PTGES2: variants seen among roughly 807,000 people sequenced by gnomAD.
The protein encoded by PTGES2 is GATE-binding factor 1.
PTGES2 carries 35 observed loss-of-function variants against 44.5 expected under a neutral mutation model. The ratio of observed to expected loss-of-function variants is 0.79; its 90% CI spans 0.60 to 1.04. PTGES2 has a LOEUF of 1.04. PTGES2 is among the 50% of genes least tolerant of loss of function. PTGES2 has a pLI of 0.00. For synonymous variants in PTGES2, 221 were observed against 227.5 expected (o/e 0.97, Z 0.26); for missense variants, 517 against 521.4 (o/e 0.99, Z 0.08).
rs1338000667 is a variant in PTGES2, at chr9:128,123,995, T to C, written c.537-144A>G. 4 of 909,286 alleles carry C rather than the reference T, an allele frequency of 4.4e-6. No individual in the cohort carries two copies. Among genetic ancestry groups the C allele is most frequent in the Non-Finnish European group, 6.5e-6 (4 of 612,454 alleles). 56.3% of individuals were successfully genotyped at this position (909,286 alleles called of 1,614,324 possible). ...TGCAGTAAGAGGGATTTGGAGTAGA[T>C]GCCAGGGCTACCTCCCCAAGAGAGG... On this transcript the variant is annotated intron_variant, in intron 3 of 6. Transcript: ENST00000338961. This position sits in a 1 kb window ranked among gnomAD's most constrained non-coding sequence, Gnocchi z 4.4.
At chr9:128,122,806 T>A in intron 5 of PTGES2, 128 bp downstream of exon 5, 3 of 941,778 alleles carry the variant, frequency 3.2e-6, no homozygotes, top group Non-Finnish European at 4.9e-6. Flanking sequence ...CCATAATCCA[T>A]AATGCGTTTC....
At chr9:128,122,144 C>T (rs1285434164) in intron 6 of PTGES2, among the ~76,000 whole-genome samples, 1 of 152,204 alleles carries the variant, frequency 6.6e-6, no homozygotes, top group East Asian at 1.9e-4. Flanking sequence ...CCGAAGCCAA[C>T]CCGTTCCCTG....
Position 128,123,956 on chromosome 9 carries a change from G to T in PTGES2, c.537-105C>A. The T allele has an allele frequency of 7.6e-7, 1 of 1,320,880 alleles. No homozygotes were observed. The highest frequency in any genetic ancestry group is 1.1e-6 in the Non-Finnish European group (1 of 946,674). 81.8% of individuals were successfully genotyped at this position (1,320,880 alleles called of 1,614,324 possible). A position where few individuals can be genotyped will look rare whatever the true frequency, so the allele number is the denominator to read the frequency against. On this transcript the variant is annotated intron_variant, in intron 3 of 6. Transcript: ENST00000338961. The surrounding 1 kb of genome is among the most constrained non-coding windows in gnomAD (Gnocchi z 4.4). ...CAGAGTGGAGCCAGGACCAACAAAG[G>T]CTCTCCGGACTCTTGCAGTAAGAGG...
chr9:128,120,734 T>C lies in PTGES2; in HGVS notation c.*411A>G, dbSNP rs1834374511. ...CATGACAGGCGCCACAAACCTTTCC[T>C]TTATTGCAAACATGTCCCAGTCCCG... On this transcript the variant is annotated 3_prime_UTR_variant, in exon 7 of 7. Coordinates refer to ENST00000338961, the MANE Select transcript of PTGES2 (RefSeq NM_025072.7). 5.5e-6 allele frequency: 1 copy of C among 181,128 alleles called. No homozygotes were observed. Among genetic ancestry groups the C allele is most frequent in the Admixed American group, 6.3e-5 (1 of 15,900 alleles). 11.2% of individuals were successfully genotyped at this position (181,128 alleles called of 1,614,324 possible).
rs1004176528 is a variant in PTGES2 at position 128,120,785 on chromosome 9, G to A, written c.*360C>T. The A allele has an allele frequency of 3.0e-5, 7 of 235,286 alleles. No homozygotes were observed. Among genetic ancestry groups the A allele is most frequent in the Non-Finnish European group, 5.0e-5 (6 of 120,076 alleles). 14.6% of individuals were successfully genotyped at this position (235,286 alleles called of 1,614,324 possible). A position where few individuals can be genotyped will look rare whatever the true frequency, so the allele number is the denominator to read the frequency against. On this transcript the variant is annotated 3_prime_UTR_variant, in exon 7 of 7. Transcript: ENST00000338961. The stretch of plus-strand genomic sequence containing the variant: ...GGAGGCTTGGGAAGAGTGGGAACCA[G>A]GGGAACCCAGGGATGGGATTCCACT...
chr9:128,127,320 A>AT, intron 1 of PTGES2, 119 bp downstream of exon 1: 3 of 888,164 alleles, frequency 3.4e-6, no homozygotes, highest in Non-Finnish European at 4.5e-6. Flanking sequence ...GAGACTTCAG[A>AT]CCAAGTCACT....
At chr9:128,124,468 C>A (rs199772231) in intron 3 of PTGES2, 24 bp downstream of exon 3, 1 of 1,611,756 alleles carries the variant, frequency 6.2e-7, no homozygotes, top group South Asian at 1.1e-5. Context: ...GCAATGGCCA[C>A]CTGGTCTCCG....
rs1218585544 is a variant in PTGES2, at chr9:128,123,497, C to T, written c.686+205G>A. On this transcript the variant is annotated intron_variant, in intron 4 of 6. Transcript: ENST00000338961. This position sits in a 1 kb window ranked among gnomAD's most constrained non-coding sequence, Gnocchi z 4.4. ...CTGACCTCAGGTGATCTGCCTGCCT[C>T]GGCCTCCCAACAGGCTGGGATTACA... Among the ~76,000 whole-genome samples, 3 of 152,130 alleles carry T rather than the reference C, an allele frequency of 2.0e-5. No individual in the cohort carries two copies. Among genetic ancestry groups the T allele is most frequent in the Admixed American group, 6.5e-5 (1 of 15,278 alleles).
At position 128,125,458 on chromosome 9, in the gene PTGES2, G is replaced by A. The variant is rs774936675; in HGVS notation, c.280-17C>T. The A allele has an allele frequency of 1.9e-6, 3 of 1,613,276 alleles. No homozygotes were observed. The highest frequency in any genetic ancestry group is 2.5e-6 in the Non-Finnish European group (3 of 1,179,762). ...CAGGGAGAGCTGCGGGCAGCAGACG[G>A]AAAAGGCTTCTAGACCTGGCACCCC... On this transcript the variant is annotated splice_polypyrimidine_tract_variant and intron_variant, in intron 1 of 6. Coordinates refer to ENST00000338961, the MANE Select transcript of PTGES2 (RefSeq NM_025072.7).
chr9:128,127,445 G>A lies in PTGES2; in HGVS notation c.273C>T (p.Ala91=), dbSNP rs371201273. 2.5e-5 allele frequency: 34 copies of A among 1,378,136 alleles called. No homozygotes were observed. The highest frequency in any genetic ancestry group is 2.9e-5 in the Non-Finnish European group (31 of 1,061,520). The allele number at this position is 1,378,136 out of a possible 1,614,324, so 85.4% of individuals were successfully genotyped here. A position where few individuals can be genotyped will look rare whatever the true frequency, so the allele number is the denominator to read the frequency against. ...RAQDLHAERS[A]AQLSLSSRLQ... is the part of the protein sequence containing the mutation. ...CGGCCGGGCCAGGCCTTACCTGCGC[G>A]GCTGAGCGCTCTGCGTGGAGGTCCT... The change falls in exon 1 of 7, where the codon GCC becomes GCT. Residue 91 remains alanine, a synonymous_variant. Coordinates refer to ENST00000338961, the MANE Select transcript of PTGES2 (RefSeq NM_025072.7).
In PTGES2 at chr9:128,122,927, C is replaced by T. The variant is rs1033401034; in HGVS notation, c.887+7G>A. ...ACAGCAGGCCCCGGATGTGCACACA[C>T]ACTTGCCTGCTCTTGAGTCGCTTGC... On this transcript the variant is annotated splice_region_variant and intron_variant, in intron 5 of 6. Transcript: ENST00000338961. 1.2e-6 allele frequency: 2 copies of T among 1,613,956 alleles called. No individual in the cohort carries two copies. The highest frequency in any genetic ancestry group is 1.7e-6 in the Non-Finnish European group (2 of 1,179,990).
intron 1 of PTGES2, among the ~76,000 whole-genome samples, chr9:128,125,892 C>T (rs538745554): frequency 2.6e-5 from 4 of 152,336 alleles, no homozygotes; most frequent in Admixed American, 1.3e-4. Context: ...CCAGTGGGGT[C>T]TACCTCCAAT....
chr9:128,127,849 G>A (rs1834697026), upstream of PTGES2: 4 of 933,514 alleles, frequency 4.3e-6, no homozygotes, highest in Middle Eastern at 7.9e-4. Flanking sequence ...AACCCTCAGC[G>A]CTCTCGGGAC....
At chr9:128,122,069 G>A (rs897491121) in intron 6 of PTGES2, among the ~76,000 whole-genome samples, 5 of 152,206 alleles carry the variant, frequency 3.3e-5, no homozygotes, top group Non-Finnish European at 7.3e-5. Context: ...GGAGGGCAGT[G>A]TTGATGGCGA....
chr9:128,122,249 A>G (rs1834437562), intron 6 of PTGES2, 113 bp downstream of exon 6: 3 of 794,262 alleles, frequency 3.8e-6, no homozygotes, highest in Non-Finnish European at 6.3e-6. Flanking sequence ...TGGCAGAGAG[A>G]GGCAGGTTCC....
At position 128,121,271 on chromosome 9, in the gene PTGES2, C is replaced by T. The variant is rs767920624; in HGVS notation, c.1008G>A (p.Ala336=). 9 of 1,605,848 alleles carry T rather than the reference C, an allele frequency of 5.6e-6. No homozygotes were observed. Among genetic ancestry groups the T allele is most frequent in the South Asian group, 2.2e-5 (2 of 90,308 alleles). The change falls in exon 7 of 7, where the codon GCG becomes GCA. Residue 336 remains alanine, a splice_region_variant and synonymous_variant. Coordinates refer to ENST00000338961, the MANE Select transcript of PTGES2 (RefSeq NM_025072.7). Reference sequence around the variant, plus strand: ...CCATCACACGCAGCACGCCATACACCGCCTGGGGCACGAACAGAAACGTGT... The same window carrying T: ...CCATCACACGCAGCACGCCATACACTGCCTGGGGCACGAACAGAAACGTGT... ...GGQKPNLADL[A]VYGVLRVMEG...
chr9:128,121,318 C>A (rs1001411343), intron 6 of PTGES2, 45 bp from the exon 7 acceptor site: 2 of 1,582,910 alleles, frequency 1.3e-6, no homozygotes, highest in East Asian at 2.3e-5. Flanking sequence ...GTTTGACAGG[C>A]ATCCAGACCT....
Position 128,123,015 on chromosome 9 carries a change from T to C in PTGES2, c.806A>G (p.Lys269Arg), listed in dbSNP as rs141329933. ...ASFDYIVREG[K>R]FGAVEGAVAK... ...CACGGCACCCTCCACGGCTCCGAAC[T>C]TGCCCTCGCGGACAATGTAGTCAAA... Residue 269 changes from lysine (K) to arginine (R), a missense_variant, in exon 5 of 7, where the codon AAG (lysine) becomes AGG (arginine). Lys to Arg is a conservative substitution (Grantham distance 26, BLOSUM62 2). Coordinates refer to ENST00000338961, the MANE Select transcript of PTGES2 (RefSeq NM_025072.7). This position sits in a 1 kb window ranked among gnomAD's most constrained non-coding sequence, Gnocchi z 4.4. The C allele has an allele frequency of 8.7e-5, 141 of 1,613,854 alleles. No individual in the cohort carries two copies. The highest frequency in any genetic ancestry group is 1.1e-4 in the Non-Finnish European group (129 of 1,180,020).
chr9:128,120,760 G>C lies in PTGES2; in HGVS notation c.*385C>G. 1 of 212,232 alleles carries C rather than the reference G, an allele frequency of 4.7e-6. No individual in the cohort carries two copies. The highest frequency in any genetic ancestry group is 8.9e-5 in the South Asian group (1 of 11,216). The allele number at this position is 212,232 out of a possible 1,614,324, so 13.1% of individuals were successfully genotyped here. ...TTATTGCAAACATGTCCCAGTCCCG[G>C]GAGGCTTGGGAAGAGTGGGAACCAG... On this transcript the variant is annotated 3_prime_UTR_variant, in exon 7 of 7. Transcript: ENST00000338961.
Sources: allele counts gnomAD v4.1 joint callset (sites outside exome capture counted in the v4.1 genomes callset), GRCh38; gene constraint gnomAD v4.1.1; non-coding constraint Gnocchi (gnomAD v3.1); transcripts MANE v1.5; gene names NCBI Gene and HGNC (gene_info 2026-07-23, HGNC 2026-07-21).